Variants in NETO2 observed in about 807,000 individuals in gnomAD.
NETO2 encodes the protein neuropilin and tolloid like 2, also known as neuropilin and tolloid-like protein 2.
NETO2 carries 28 observed loss-of-function variants against 62.5 expected under a neutral mutation model. The observed-to-expected ratio is 0.45, with a 90% CI of 0.33 to 0.61. The LOEUF (loss-of-function observed/expected upper bound fraction) is 0.61, where lower values mean the gene tolerates loss of function less well. Ranked by LOEUF, NETO2 falls within the 20% of genes least tolerant of loss-of-function variation. NETO2 has a pLI of 0.02. For missense variants in NETO2, 548 were observed against 643.2 expected, an observed-to-expected ratio of 0.85 and a Z score of 1.60; for synonymous variants, 214 against 219.1, an observed-to-expected ratio of 0.98 and a Z score of 0.21.
chr16:47,143,532 C>A (rs1172020049), intron 1 of NETO2, 47 bp downstream of exon 1: 1 of 1,219,710 alleles, frequency 8.2e-7, no homozygotes, highest in Non-Finnish European at 1.0e-6. Flanking sequence ...GCGCGCCAGC[C>A]TCGGCCCGCA....
At chr16:47,092,936 C>T (rs1259587774) in intron 7 of NETO2, among the ~76,000 whole-genome samples, 1 of 152,178 alleles carries the variant, frequency 6.6e-6, no homozygotes, top group African/African-American at 2.4e-5. Context: ...TTTTAGCCTT[C>T]ATTGAATGGG....
At chr16:47,110,932 C>T (rs536967538) in intron 6 of NETO2, among the ~76,000 whole-genome samples, 3 of 152,262 alleles carry the variant, frequency 2.0e-5, no homozygotes, top group Non-Finnish European at 4.4e-5. Context: ...TTCACCACTT[C>T]CGTGAGAATG....
chr16:47,111,629 A>G (rs1420975618), intron 6 of NETO2, among the ~76,000 whole-genome samples: 1 of 152,178 alleles, frequency 6.6e-6, no homozygotes, highest in Non-Finnish European at 1.5e-5. Context: ...CTACCCAGGG[A>G]GGCAGGGCAA....
At chr16:47,101,481 C>A (rs1028422787) in intron 7 of NETO2, among the ~76,000 whole-genome samples, 4 of 152,038 alleles carry the variant, frequency 2.6e-5, no homozygotes. Flanking sequence ...AACAGGAAGA[C>A]CGGAAGTTAA....
rs570190414 is a variant in NETO2, at chr16:47,117,146, C to G, written c.654+5511G>C. Among the ~76,000 whole-genome samples the G allele has an allele frequency of 1.8e-3, 277 of 152,248 alleles. 1 individual carries two copies. Among genetic ancestry groups the G allele is most frequent in the African/African-American group, 6.4e-3 (264 of 41,548 alleles). Reference sequence around the variant, plus strand: ...TTTATCATTCTTGAAAGAAGTCTTGCATCACAGTTCCCCTTACTGCCTATC... The same window carrying G: ...TTTATCATTCTTGAAAGAAGTCTTGGATCACAGTTCCCCTTACTGCCTATC... On this transcript the variant is annotated intron_variant, in intron 6 of 8. Coordinates refer to ENST00000562435, the MANE Select transcript of NETO2 (RefSeq NM_018092.5).
At chr16:47,097,840 C>T (rs1313265475) in intron 7 of NETO2, among the ~76,000 whole-genome samples, 1 of 152,194 alleles carries the variant, frequency 6.6e-6, no homozygotes, top group East Asian at 1.9e-4. Flanking sequence ...AGGTAGCAAT[C>T]TTTGCTATTC....
rs1963104196 is a variant in NETO2, at chr16:47,083,169, G to A, written c.*52C>T. 1 of 1,481,682 alleles carries A rather than the reference G, an allele frequency of 6.7e-7. No homozygotes were observed. The highest frequency in any genetic ancestry group is 9.2e-7 in the Non-Finnish European group (1 of 1,088,616). The allele number at this position is 1,481,682 out of a possible 1,614,324, so 91.8% of individuals were successfully genotyped here. Reference sequence around the variant, plus strand: ...GCTGCTGGAAACAGTATGGTGCCCTGGAGGCTGCGTACGTACACACCCTAA... The same window carrying A: ...GCTGCTGGAAACAGTATGGTGCCCTAGAGGCTGCGTACGTACACACCCTAA... On this transcript the variant is annotated 3_prime_UTR_variant, in exon 9 of 9. Coordinates refer to ENST00000562435, the MANE Select transcript of NETO2 (RefSeq NM_018092.5).
chr16:47,083,896 C>G, intron 8 of NETO2, 95 bp from the exon 9 acceptor site: 2 of 897,794 alleles, frequency 2.2e-6, no homozygotes, highest in Non-Finnish European at 3.4e-6. Context: ...AAACAGAATA[C>G]TTGGGCCAAA....
chr16:47,122,309 T>C (rs1964058286), intron 6 of NETO2, among the ~76,000 whole-genome samples: 1 of 152,196 alleles, frequency 6.6e-6, no homozygotes, highest in African/African-American at 2.4e-5. Context: ...TCTTGTAGCC[T>C]ATTTTCTTCC....
chr16:47,116,206 T>C (rs1423649284), intron 6 of NETO2, among the ~76,000 whole-genome samples: 1 of 150,828 alleles, frequency 6.6e-6, no homozygotes, highest in Non-Finnish European at 1.5e-5. Flanking sequence ...CTTGAACTCC[T>C]GAGCTCAAGT....
intron 7 of NETO2, among the ~76,000 whole-genome samples, chr16:47,087,728 G>A (rs1233427866): frequency 6.6e-6 from 1 of 152,054 alleles, no homozygotes; most frequent in Non-Finnish European, 1.5e-5. Flanking sequence ...TGTTCTTTCA[G>A]CCTGGAATGG....
chr16:47,141,515 C>G (rs2151497289), intron 1 of NETO2, among the ~76,000 whole-genome samples: 1 of 151,708 alleles, frequency 6.6e-6, no homozygotes, highest in East Asian at 1.9e-4. Flanking sequence ...GCAGTGAAAC[C>G]AGTCTTCCCT....
chr16:47,095,697 C>T (rs1963413661), intron 7 of NETO2, among the ~76,000 whole-genome samples: 1 of 152,182 alleles, frequency 6.6e-6, no homozygotes, highest in East Asian at 1.9e-4. Flanking sequence ...GAGAAGTAGA[C>T]ACTTGTACAA....
chr16:47,086,282 A>G lies in NETO2; in HGVS notation c.941T>C (p.Leu314Ser). ...ACAATTTTGGACACCATTACAGACT[A>G]AAGAATTATTGATGCACATGTTGCT... ...CHSNMCINNS[L>S]VCNGVQNCAY... Residue 314 changes from leucine (L) to serine (S), a missense_variant, in exon 8 of 9, where the codon TTA (leucine) becomes TCA (serine). Leu to Ser is a moderately radical substitution (Grantham distance 145). Transcript: ENST00000562435. 1 of 1,614,090 alleles carries G rather than the reference A, an allele frequency of 6.2e-7. No individual in the cohort carries two copies. The highest frequency in any genetic ancestry group is 8.5e-7 in the Non-Finnish European group (1 of 1,179,952).
In NETO2 at chr16:47,083,630, T is replaced by C. The variant is rs1425929571; in HGVS notation, c.1169A>G (p.Gln390Arg). 6.2e-7 allele frequency: 1 copy of C among 1,614,200 alleles called. No homozygotes were observed. Among genetic ancestry groups the C allele is most frequent in the East Asian group, 2.2e-5 (1 of 44,882 alleles). Residue 390 changes from glutamine (Q) to arginine (R), a missense_variant, in exon 9 of 9, where the codon CAA becomes CGA. By Grantham distance (43) the Gln-to-Arg change is conservative. Coordinates refer to ENST00000562435, the MANE Select transcript of NETO2 (RefSeq NM_018092.5). ...ATAATGAGGAGGATCAAACACTTCT[T>C]GGAACCCGGTTTTATTAAAAGCGGT... ...CKTAFNKTGF[Q>R]EVFDPPHYEL...
At chr16:47,138,831 G>A (rs933981004) in intron 1 of NETO2, among the ~76,000 whole-genome samples, 2 of 152,148 alleles carry the variant, frequency 1.3e-5, no homozygotes, top group African/African-American at 2.4e-5. Flanking sequence ...TGGAGCCTGC[G>A]TGTCTCTCTG....
chr16:47,099,319 T>C (rs1005687048), intron 7 of NETO2, among the ~76,000 whole-genome samples: 9 of 152,064 alleles, frequency 5.9e-5, no homozygotes, highest in Non-Finnish European at 8.8e-5. Context: ...AAGCACTAAA[T>C]ATGGAAAGGA....
intron 1 of NETO2, among the ~76,000 whole-genome samples, chr16:47,133,579 AATAAC>A (rs1172706153): frequency 3.3e-5 from 5 of 149,326 alleles, no homozygotes; most frequent in African/African-American, 7.4e-5. Flanking sequence ...AGTAACATAA[AATAAC>A]ATAACATAAA....
chr16:47,098,134 A>G (rs1963466150), intron 7 of NETO2, among the ~76,000 whole-genome samples: 2 of 152,218 alleles, frequency 1.3e-5, no homozygotes, highest in African/African-American at 4.8e-5. Flanking sequence ...AAAGGATCAC[A>G]ACCCCTTGCC....
Sources: allele counts gnomAD v4.1 joint callset (sites outside exome capture counted in the v4.1 genomes callset), GRCh38; gene constraint gnomAD v4.1.1; transcripts MANE v1.5; gene names NCBI Gene and HGNC (gene_info 2026-07-23, HGNC 2026-07-21).